Variants in ABCB11 observed in about 807,000 individuals in gnomAD.
ABCB11 encodes bile salt export pump.
In ABCB11, 95 loss-of-function variants were observed where a neutral mutation model predicts 148.0. The ratio of observed to expected loss-of-function variants is 0.64; its 90% CI spans 0.54 to 0.76. ABCB11 has a LOEUF of 0.76. Among genes scored for constraint, ABCB11 ranks in the 30% least tolerant of loss-of-function variants. The pLI is 0.00. For missense variants in ABCB11, 1,523 were observed against 1,617.8 expected (o/e 0.94, Z 1.01); for synonymous variants, 591 against 555.4 (o/e 1.06, Z -0.90).
chr2:168,927,241 T>C lies in ABCB11; in HGVS notation c.3533A>G (p.Asp1178Gly). The C allele has an allele frequency of 6.2e-7, 1 of 1,613,876 alleles. No individual in the cohort carries two copies. Among genetic ancestry groups the C allele is most frequent in the Non-Finnish European group, 8.5e-7 (1 of 1,179,808 alleles). ...CSIMDNIKYG[D>G]NTKEIPMERV... Reference sequence around the variant, plus strand: ...TTCCATGGGAATTTCTTTGGTGTTGTCTCCATACTTGATATTGTCCATTAT... The same window carrying C: ...TTCCATGGGAATTTCTTTGGTGTTGCCTCCATACTTGATATTGTCCATTAT... The change falls in exon 26 of 28, where the codon GAC becomes GGC. Residue 1178 changes from aspartate to glycine, a missense_variant. Transcript: ENST00000650372.
chr2:169,029,499 G>C (rs1469279022), intron 1 of ABCB11, among the ~76,000 whole-genome samples: 1 of 152,054 alleles, frequency 6.6e-6, no homozygotes, highest in African/African-American at 2.4e-5. Flanking sequence ...CACTGTGGGT[G>C]ACCCAGTCTG....
chr2:168,970,910 T>C (rs1199556989), intron 14 of ABCB11, among the ~76,000 whole-genome samples: 9 of 152,002 alleles, frequency 5.9e-5, no homozygotes, highest in African/African-American at 2.2e-4. Context: ...TGAGAAAGTT[T>C]GTAAAGCTTG....
At chr2:169,011,665 A>G (rs1695191896) in intron 5 of ABCB11, among the ~76,000 whole-genome samples, 2 of 152,116 alleles carry the variant, frequency 1.3e-5, no homozygotes, top group Non-Finnish European at 2.9e-5. Context: ...AGCTTCACAC[A>G]GATAGGGATC....
chr2:168,985,560 A>G (rs1694290506), intron 10 of ABCB11, among the ~76,000 whole-genome samples: 1 of 152,156 alleles, frequency 6.6e-6, no homozygotes, highest in Non-Finnish European at 1.5e-5. Flanking sequence ...ATATGTATAT[A>G]TATACACAGA....
intron 1 of ABCB11, among the ~76,000 whole-genome samples, chr2:169,019,625 C>T (rs1695480158): frequency 6.6e-6 from 1 of 152,114 alleles, no homozygotes; most frequent in Non-Finnish European, 1.5e-5. Context: ...TGAAAACAAT[C>T]CCCATACAAG....
chr2:168,955,639 CT>C (rs1213928329), intron 19 of ABCB11, among the ~76,000 whole-genome samples: 1 of 151,488 alleles, frequency 6.6e-6, no homozygotes, highest in Non-Finnish European at 1.5e-5. Context: ...CATTCCGCCC[CT>C]GACCCCTCCA....
intron 1 of ABCB11, among the ~76,000 whole-genome samples, chr2:169,029,578 C>G (rs535006353): frequency 1.3e-5 from 2 of 152,208 alleles, no homozygotes; most frequent in East Asian, 3.9e-4. Flanking sequence ...AATAAATACA[C>G]GGTGATCCCA....
chr2:168,949,179 T>A (rs1444194866), intron 19 of ABCB11, among the ~76,000 whole-genome samples: 1 of 151,648 alleles, frequency 6.6e-6, no homozygotes, highest in African/African-American at 2.4e-5. Flanking sequence ...GAAAACATGA[T>A]CACATTTTTT....
chr2:168,996,090 G>A (rs1481675263), intron 6 of ABCB11, among the ~76,000 whole-genome samples: 1 of 151,298 alleles, frequency 6.6e-6, no homozygotes. Context: ...GAATGAATGG[G>A]AAGGAATTCA....
intron 19 of ABCB11, among the ~76,000 whole-genome samples, chr2:168,950,110 T>C (rs1692490775): frequency 6.9e-6 from 1 of 144,986 alleles, no homozygotes; most frequent in Admixed American, 7.2e-5. Context: ...TATAAAATGA[T>C]ATATATCCTA....
At chr2:168,952,684 T>G (rs1462332379) in intron 19 of ABCB11, among the ~76,000 whole-genome samples, 2 of 117,072 alleles carry the variant, frequency 1.7e-5, no homozygotes, top group African/African-American at 5.5e-5. Flanking sequence ...TTTGTTTTTT[T>G]TTTTTTGTTT....
chr2:169,001,861 T>C (rs1694884135), intron 5 of ABCB11, among the ~76,000 whole-genome samples: 1 of 152,148 alleles, frequency 6.6e-6, no homozygotes, highest in Non-Finnish European at 1.5e-5. Flanking sequence ...CAACATGTTA[T>C]TACTTGGCTC....
intron 21 of ABCB11, among the ~76,000 whole-genome samples, chr2:168,941,656 T>G (rs977943659): frequency 9.9e-5 from 15 of 152,024 alleles, no homozygotes; most frequent in African/African-American, 3.6e-4. Context: ...TCAATCCAAT[T>G]TTGAAAGACA....
At chr2:168,993,152 T>C (rs781480312) in intron 8 of ABCB11, among the ~76,000 whole-genome samples, 2 of 152,042 alleles carry the variant, frequency 1.3e-5, no homozygotes, top group African/African-American at 2.4e-5. Flanking sequence ...AAAGATAAGA[T>C]GAAATGGAGA....
chr2:168,968,420 A>T lies in ABCB11; in HGVS notation c.2075+7T>A, dbSNP rs768511849. The T allele has an allele frequency of 1.8e-5, 29 of 1,609,370 alleles. No individual in the cohort carries two copies. The highest frequency in any genetic ancestry group is 2.4e-5 in the Non-Finnish European group (28 of 1,177,724). ...AGCTTGTAATCTGCCCCATGGCTTGAGCTTACCTTAAACTATCCTGGTAGC... is the reference window on the plus strand; with the variant it reads ...AGCTTGTAATCTGCCCCATGGCTTGTGCTTACCTTAAACTATCCTGGTAGC... On this transcript the variant is annotated splice_region_variant and intron_variant, in intron 17 of 27. Transcript: ENST00000650372.
At chr2:168,957,185 C>A (rs1218802378) in intron 19 of ABCB11, among the ~76,000 whole-genome samples, 1 of 151,646 alleles carries the variant, frequency 6.6e-6, no homozygotes, top group Non-Finnish European at 1.5e-5. Context: ...TTTACTAGAA[C>A]CTGGCTCTAC....
chr2:168,937,092 G>A (rs146046950), intron 21 of ABCB11, among the ~76,000 whole-genome samples: 176 of 151,840 alleles, frequency 1.2e-3, no homozygotes, highest in African/African-American at 4.0e-3. Flanking sequence ...TCACTATGTT[G>A]CCCAGGCTGG....
chr2:168,935,769 T>C (rs1691790637), intron 22 of ABCB11, among the ~76,000 whole-genome samples: 1 of 152,194 alleles, frequency 6.6e-6, no homozygotes, highest in African/African-American at 2.4e-5. Context: ...ATAATTCTGG[T>C]TGGGAAAGAC....
intron 19 of ABCB11, among the ~76,000 whole-genome samples, chr2:168,953,429 T>G (rs1197680311): frequency 6.6e-6 from 1 of 150,700 alleles, no homozygotes; most frequent in African/African-American, 2.4e-5. Flanking sequence ...TTTGTTGAAT[T>G]TATCATTACA....
Sources: allele counts gnomAD v4.1 joint callset (sites outside exome capture counted in the v4.1 genomes callset), GRCh38; gene constraint gnomAD v4.1.1; transcripts MANE v1.5; gene names NCBI Gene and HGNC (gene_info 2026-07-23, HGNC 2026-07-21).